The following UBASH3A variants were observed in gnomAD, a reference collection of about 807,000 sequenced individuals.
UBASH3A encodes ubiquitin-associated and SH3 domain-containing protein A.
Under a neutral mutation model 73.5 loss-of-function variants are expected in UBASH3A, and 63 were observed. That is an observed-to-expected ratio of 0.86 (90% CI 0.70 to 1.06). The LOEUF (loss-of-function observed/expected upper bound fraction) is 1.06, where lower values mean the gene tolerates loss of function less well. Among genes scored for constraint, UBASH3A ranks in the 50% least tolerant of loss-of-function variants. The pLI is 0.00. For missense variants in UBASH3A, 860 were observed against 859.0 expected (o/e 1.00, Z -0.02); for synonymous variants, 363 against 351.1 (o/e 1.03, Z -0.38).
In UBASH3A at chr21:42,426,830, C is replaced by T. The variant is rs771896605; in HGVS notation, c.1170+10C>T. 4.4e-5 allele frequency: 71 copies of T among 1,611,896 alleles called. No homozygotes were observed. Among genetic ancestry groups the T allele is most frequent in the East Asian group, 8.9e-5 (4 of 44,880 alleles). On this transcript the variant is annotated intron_variant, in intron 8 of 14. Coordinates refer to ENST00000319294, the MANE Select transcript of UBASH3A (RefSeq NM_018961.4). ...CTTACAGGCCTTGCAGGTAATAGAA[C>T]ATTCCCTTTTTTCTTTTAAGTAAAC...
At chr21:42,431,497 T>C (rs2053529940) in intron 8 of UBASH3A, among the ~76,000 whole-genome samples, 1 of 152,176 alleles carries the variant, frequency 6.6e-6, no homozygotes, top group South Asian at 2.1e-4. Context: ...AAGAAGTAAA[T>C]AAACTATAAA....
chr21:42,440,019 A>G (rs2053711050), intron 11 of UBASH3A, among the ~76,000 whole-genome samples: 1 of 146,080 alleles, frequency 6.8e-6, no homozygotes, highest in African/African-American at 2.6e-5. Flanking sequence ...CACAACACAC[A>G]CCCACACACA....
At chr21:42,423,571 G>A (rs1394440921) in intron 7 of UBASH3A, among the ~76,000 whole-genome samples, 2 of 152,148 alleles carry the variant, frequency 1.3e-5, no homozygotes, top group Non-Finnish European at 2.9e-5. Flanking sequence ...CATGTCCTTC[G>A]CTCTCTGCCC....
chr21:42,437,695 C>A, intron 11 of UBASH3A, 115 bp downstream of exon 11: 3 of 913,056 alleles, frequency 3.3e-6, no homozygotes, highest in Non-Finnish European at 5.2e-6. Flanking sequence ...ATGCCCACAC[C>A]AAAGTCATCA....
At chr21:42,440,795 G>A (rs964400463) in intron 11 of UBASH3A, among the ~76,000 whole-genome samples, 7 of 152,208 alleles carry the variant, frequency 4.6e-5, no homozygotes, top group African/African-American at 1.4e-4. Flanking sequence ...CTCTCACCAC[G>A]ATAACAACAA....
chr21:42,435,011 G>C, intron 10 of UBASH3A, 57 bp downstream of exon 10: 2 of 1,596,534 alleles, frequency 1.3e-6, no homozygotes, highest in Non-Finnish European at 1.7e-6. Flanking sequence ...ACTGATTATG[G>C]CTAGCAGGCA....
chr21:42,421,062 T>A (rs980816318), intron 7 of UBASH3A, among the ~76,000 whole-genome samples: 1 of 152,240 alleles, frequency 6.6e-6, no homozygotes, highest in Non-Finnish European at 1.5e-5. Flanking sequence ...CTGGCCAAGT[T>A]GCCACACCAT....
chr21:42,427,087 T>C (rs919934815), intron 8 of UBASH3A, among the ~76,000 whole-genome samples: 3 of 152,062 alleles, frequency 2.0e-5, no homozygotes, highest in African/African-American at 7.2e-5. Context: ...AATCCCGAGT[T>C]CTCATCCCAT....
intron 9 of UBASH3A, among the ~76,000 whole-genome samples, chr21:42,433,804 C>T (rs982096830): frequency 3.3e-5 from 5 of 152,072 alleles, no homozygotes; most frequent in Non-Finnish European, 5.9e-5. Flanking sequence ...AATTGCCCCC[C>T]GCTGACCCCT....
At chr21:42,443,887 A>ATT (rs2053797907) in intron 13 of UBASH3A, among the ~76,000 whole-genome samples, 1 of 151,978 alleles carries the variant, frequency 6.6e-6, no homozygotes, top group Non-Finnish European at 1.5e-5. Flanking sequence ...AGGGTCACAC[A>ATT]ATCCACCCAT....
At position 42,416,552 on chromosome 21, in the gene UBASH3A, C is replaced by A; in HGVS notation, c.778C>A (p.His260Asn). 1 of 1,609,902 alleles carries A rather than the reference C, an allele frequency of 6.2e-7. No homozygotes were observed. The highest frequency in any genetic ancestry group is 8.5e-7 in the Non-Finnish European group (1 of 1,178,362). The change falls in exon 6 of 15, where the codon CAC becomes AAC. Residue 260 changes from histidine to asparagine, a missense_variant. Transcript: ENST00000319294. ...GCTGGCCAGAGCCATCCCCCTGGGCCACAGCTGCCAGTGGACCGCAGCACT... is the reference window on the plus strand; with the variant it reads ...GCTGGCCAGAGCCATCCCCCTGGGCAACAGCTGCCAGTGGACCGCAGCACT... ...EQLARAIPLG[H>N]SCQWTAALYS...
Position 42,432,219 on chromosome 21 carries a change from C to T in UBASH3A, c.1270+17C>T, listed in dbSNP as rs372186956. 1.7e-4 allele frequency: 257 copies of T among 1,556,126 alleles called. No homozygotes were observed. Among genetic ancestry groups the T allele is most frequent in the African/African-American group, 8.7e-4 (64 of 73,798 alleles). On this transcript the variant is annotated intron_variant, in intron 9 of 14. Coordinates refer to ENST00000319294, the MANE Select transcript of UBASH3A (RefSeq NM_018961.4). ...CTCCTGATGGTAGGTCACACTCAGG[C>T]GGGTCTACGGACAGAAACACTGTAG...
intron 11 of UBASH3A, among the ~76,000 whole-genome samples, chr21:42,438,543 G>T (rs1009793524): frequency 6.6e-6 from 1 of 152,264 alleles, no homozygotes; most frequent in African/African-American, 2.4e-5. Context: ...GCTTAGACCG[G>T]GAGTAGGTGG....
In UBASH3A at chr21:42,443,374, G is replaced by T. The variant is rs2053785735; in HGVS notation, c.1694G>T (p.Cys565Phe). The change falls in exon 13 of 15, where the codon TGC becomes TTC. Residue 565 changes from cysteine (C) to phenylalanine (F), a missense_variant. By Grantham distance (205) the Cys-to-Phe change is radical (BLOSUM62 -2). Transcript: ENST00000319294. ...AESYQEYMDR[C>F]TASMVQIVNT... ...AGCTACCAGGAGTACATGGACAGGT[G>T]CACGGCGAGCATGGTGCAAATCGTC... 6.2e-7 allele frequency: 1 copy of T among 1,613,044 alleles called. No homozygotes were observed. Among genetic ancestry groups the T allele is most frequent in the Non-Finnish European group, 8.5e-7 (1 of 1,179,542 alleles).
intron 5 of UBASH3A, among the ~76,000 whole-genome samples, chr21:42,414,207 C>T (rs1280398339): frequency 2.0e-5 from 3 of 152,194 alleles, no homozygotes; most frequent in Non-Finnish European, 2.9e-5. Context: ...TCTCTGGGAG[C>T]GTGTCTGTCT....
At chr21:42,416,064 C>T (rs1024857834) in intron 5 of UBASH3A, among the ~76,000 whole-genome samples, 1 of 152,158 alleles carries the variant, frequency 6.6e-6, no homozygotes, top group African/African-American at 2.4e-5. Flanking sequence ...GAGTTTTCTT[C>T]TTGAAACTCT....
Position 42,413,467 on chromosome 21 carries a change from T to C in UBASH3A, c.611T>C (p.Leu204Pro). The C allele has an allele frequency of 2.5e-6, 4 of 1,614,168 alleles. No homozygotes were observed. The highest frequency in any genetic ancestry group is 3.4e-6 in the Non-Finnish European group (4 of 1,180,012). Residue 204 changes from leucine (L) to proline (P), a missense_variant, in exon 5 of 15, where the codon CTG becomes CCG. By Grantham distance (98) the Leu-to-Pro change is moderately conservative. Transcript: ENST00000319294. The surrounding 1 kb of genome is among the most constrained non-coding windows in gnomAD (Gnocchi z 4.5). ...FSQVPGHGPNLRLSNLTRASF... is the reference protein window; with the variant it reads ...FSQVPGHGPNPRLSNLTRASF... Reference sequence around the variant, plus strand: ...CAGGTGCCTGGACATGGCCCTAACCTGAGGCTGAGCAATTTAACTAGAGCC... The same window carrying C: ...CAGGTGCCTGGACATGGCCCTAACCCGAGGCTGAGCAATTTAACTAGAGCC...
chr21:42,429,806 A>G (rs556218301), intron 8 of UBASH3A, among the ~76,000 whole-genome samples: 1 of 152,250 alleles, frequency 6.6e-6, no homozygotes, highest in East Asian at 1.9e-4. Context: ...GAAGTTTTCC[A>G]ATAAGGGAAA....
intron 1 of UBASH3A, among the ~76,000 whole-genome samples, chr21:42,404,335 G>A (rs914962122): frequency 6.6e-6 from 1 of 152,130 alleles, no homozygotes; most frequent in Non-Finnish European, 1.5e-5. Flanking sequence ...TGTTCAATTT[G>A]TGTTGGCTGC....
Sources: allele counts gnomAD v4.1 joint callset (sites outside exome capture counted in the v4.1 genomes callset), GRCh38; gene constraint gnomAD v4.1.1; non-coding constraint Gnocchi (gnomAD v3.1); transcripts MANE v1.5; gene names NCBI Gene and HGNC (gene_info 2026-07-23, HGNC 2026-07-21).